CACNA1G: variants seen among roughly 807,000 people sequenced by gnomAD.
CACNA1G encodes the protein calcium voltage-gated channel subunit alpha1 G.
In CACNA1G, 67 loss-of-function variants were observed where a neutral mutation model predicts 219.4. That is an observed-to-expected ratio of 0.31 (90% CI 0.25 to 0.37). CACNA1G has a LOEUF of 0.37. CACNA1G is among the 10% of genes least tolerant of loss of function. The pLI, the probability that CACNA1G is intolerant of heterozygous loss-of-function variation, is 1.00. For synonymous variants in CACNA1G, 1,296 were observed against 1,345.3 expected, an observed-to-expected ratio of 0.96 and a Z score of 0.80; for missense variants, 2,380 against 3,231.4, an observed-to-expected ratio of 0.74 and a Z score of 6.39.
At chr17:50,584,766 G>T (rs901464889) in intron 9 of CACNA1G, among the ~76,000 whole-genome samples, 3 of 152,014 alleles carry the variant, frequency 2.0e-5, no homozygotes, top group Non-Finnish European at 2.9e-5. Flanking sequence ...AGCCTGCAAC[G>T]AGGGGCCAGG....
At chr17:50,601,660 G>A (rs1048232745) in intron 19 of CACNA1G, among the ~76,000 whole-genome samples, 16 of 152,180 alleles carry the variant, frequency 1.1e-4, no homozygotes, top group African/African-American at 3.9e-4. Context: ...GAACCTGTCA[G>A]TCCTTCTCAG....
rs763824472 is a variant in CACNA1G, at chr17:50,590,642, C to T, written c.2453+20C>T. The T allele has an allele frequency of 2.5e-6, 4 of 1,599,346 alleles. No individual in the cohort carries two copies. Among genetic ancestry groups the T allele is most frequent in the Non-Finnish European group, 3.4e-6 (4 of 1,175,238 alleles). ...CATCAGGTATGACTACCCCCCGGCA[C>T]TGACTCTCAGTTGAGGAATGGTAGC... On this transcript the variant is annotated intron_variant, in intron 10 of 37. Transcript: ENST00000359106.
chr17:50,591,607 A>G lies in CACNA1G; in HGVS notation c.2626A>G (p.Ile876Val). Residue 876 changes from isoleucine (I) to valine (V), a missense_variant, in exon 11 of 38, where the codon ATC becomes GTC. Physicochemically the swap from Ile to Val is conservative, Grantham distance 29 (BLOSUM62 3). Transcript: ENST00000359106. ...ATFCMLLMLF[I>V]FIFSILGMHL... ...CTTCTGCATGCTGCTTATGCTCTTC[A>G]TCTTCATCTTCAGGTGAGGGCGGCA... 6.2e-7 allele frequency: 1 copy of G among 1,613,054 alleles called. No individual in the cohort carries two copies. The highest frequency in any genetic ancestry group is 8.5e-7 in the Non-Finnish European group (1 of 1,179,550).
rs1019315856 is a variant in CACNA1G, at chr17:50,571,559, C to A, written c.587-319C>A. ...AGTCATTTCTCCAAGCCTCAGACTTCTCATCTGTGAATTGGGAGTGATATT... is the reference window on the plus strand; with the variant it reads ...AGTCATTTCTCCAAGCCTCAGACTTATCATCTGTGAATTGGGAGTGATATT... On this transcript the variant is annotated intron_variant, in intron 4 of 37. Coordinates refer to ENST00000359106, the MANE Select transcript of CACNA1G (RefSeq NM_018896.5). This position sits in a 1 kb window ranked among gnomAD's most constrained non-coding sequence, Gnocchi z 4.3. 6.6e-6 allele frequency among the ~76,000 whole-genome samples: 1 copy of A among 152,208 alleles called. No individual in the cohort carries two copies. Among genetic ancestry groups the A allele is most frequent in the African/African-American group, 2.4e-5 (1 of 41,444 alleles).
At chr17:50,606,814 T>G (rs1381030280) in intron 23 of CACNA1G, 86 bp from the exon 24 acceptor site, 13 of 923,886 alleles carry the variant, frequency 1.4e-5, no homozygotes, top group South Asian at 1.4e-4. Flanking sequence ...TTGGAGCTGA[T>G]GCAGGAGGCA....
intron 1 of CACNA1G, among the ~76,000 whole-genome samples, chr17:50,565,442 T>A (rs1391897313): frequency 6.6e-6 from 1 of 151,340 alleles, no homozygotes; most frequent in East Asian, 2.0e-4. Flanking sequence ...GCGGAGCCCC[T>A]ACATCCCATG....
Position 50,603,104 on chromosome 17 carries a change from C to T in CACNA1G, c.4074C>T (p.Val1358=). The part of the protein sequence containing the change: ...VLDGLLVLIS[V]IDILVSMVSD... The stretch of plus-strand genomic sequence containing the variant: ...ACGGGCTGTTGGTGCTCATCTCCGT[C>T]ATCGACATTCTGGTGTCCATGGTCT... The change falls in exon 21 of 38, where the codon GTC becomes GTT. Residue 1358 remains valine, a synonymous_variant. Transcript: ENST00000359106. This position sits in a 1 kb window ranked among gnomAD's most constrained non-coding sequence, Gnocchi z 6.4. 1 of 1,613,528 alleles carries T rather than the reference C, an allele frequency of 6.2e-7. No individual in the cohort carries two copies. The highest frequency in any genetic ancestry group is 8.5e-7 in the Non-Finnish European group (1 of 1,179,774).
At position 50,561,192 on chromosome 17, in the gene CACNA1G, C is replaced by T; in HGVS notation, c.-268C>T. ...GAAGCCGGAACAAAGTGAGGGGGAG[C>T]CGGCCGGCTGGCCCGGGAAGCCCCA... On this transcript the variant is annotated 5_prime_UTR_variant, in exon 1 of 38. Transcript: ENST00000359106. 1.8e-6 allele frequency: 1 copy of T among 565,014 alleles called. No homozygotes were observed. Among genetic ancestry groups the T allele is most frequent in the South Asian group, 1.8e-5 (1 of 56,158 alleles). 35.0% of individuals were successfully genotyped at this position (565,014 alleles called of 1,614,324 possible).
rs775456459 is a variant in CACNA1G, at chr17:50,609,911, G to C, written c.4735G>C (p.Gly1579Arg). Residue 1579 changes from glycine to arginine, a missense_variant, in exon 26 of 38, where the codon GGC becomes CGC. Gly to Arg is a moderately radical substitution (Grantham distance 125). Around this residue, in one of 17 missense-constraint regions of CACNA1G, gnomAD observed 58 missense variants for 71.3 expected, o/e 0.81. Transcript: ENST00000359106. ...AATGCTGGACGATGTAATTGCTTCC[G>C]GCAGCTCAGCCAGCGCTGCGTCAGG... ...NLMLDDVIAS[G>R]SSASAASEAQ... 2 of 1,611,348 alleles carry C rather than the reference G, an allele frequency of 1.2e-6. No homozygotes were observed. The highest frequency in any genetic ancestry group is 2.2e-5 in the East Asian group (1 of 44,876).
At chr17:50,606,858 C>A in intron 23 of CACNA1G, 42 bp from the exon 24 acceptor site, 2 of 1,449,402 alleles carry the variant, frequency 1.4e-6, no homozygotes, top group Non-Finnish European at 1.9e-6. Flanking sequence ...TTCAGCCACA[C>A]ATCCTAGACT....
intron 19 of CACNA1G, among the ~76,000 whole-genome samples, chr17:50,602,359 T>TGCA (rs1448572631): frequency 6.6e-6 from 1 of 152,074 alleles, no homozygotes; most frequent in East Asian, 1.9e-4. Context: ...TGCCTGGGGG[T>TGCA]GCAGAGTCTG....
At chr17:50,591,895 G>T in intron 12 of CACNA1G, 42 bp downstream of exon 12, 3 of 1,613,508 alleles carry the variant, frequency 1.9e-6, no homozygotes, top group Admixed American at 1.7e-5. Context: ...GGGCCGTCAG[G>T]TGCCCCTAGT....
chr17:50,589,100 G>C (rs2043616768), intron 9 of CACNA1G, among the ~76,000 whole-genome samples: 1 of 152,186 alleles, frequency 6.6e-6, no homozygotes. Context: ...CTCCAGGCCA[G>C]ACACCTAGTT....
chr17:50,580,386 G>A (rs1360162278), intron 9 of CACNA1G, among the ~76,000 whole-genome samples: 4 of 151,810 alleles, frequency 2.6e-5, no homozygotes, highest in Admixed American at 6.6e-5. Context: ...GCCATGGTCA[G>A]GTGCCCCTCC....
intron 5 of CACNA1G, 54 bp downstream of exon 5, chr17:50,572,091 A>C (rs1283477326): frequency 3.2e-6 from 5 of 1,560,516 alleles, no homozygotes; most frequent in Non-Finnish European, 2.6e-6. Flanking sequence ...GGGGCTGGGC[A>C]CCCCCCCAAG....
In CACNA1G at chr17:50,603,658, G is replaced by C. The variant is rs2047285048; in HGVS notation, c.4169+459G>C. 6.7e-6 allele frequency among the ~76,000 whole-genome samples: 1 copy of C among 149,924 alleles called. No individual in the cohort carries two copies. The highest frequency in any genetic ancestry group is 1.5e-5 in the Non-Finnish European group (1 of 67,644). On this transcript the variant is annotated intron_variant, in intron 21 of 37. Coordinates refer to ENST00000359106, the MANE Select transcript of CACNA1G (RefSeq NM_018896.5). This position sits in a 1 kb window ranked among gnomAD's most constrained non-coding sequence, Gnocchi z 6.4. The stretch of plus-strand genomic sequence containing the variant: ...CCCCGGTGACATTTCTCCTGACCAG[G>C]GATCCACCCTCTCAGGAATCCCTTT...
Position 50,626,870 on chromosome 17 carries a change from C to A in CACNA1G, c.*119C>A. On this transcript the variant is annotated 3_prime_UTR_variant, in exon 38 of 38. Coordinates refer to ENST00000359106, the MANE Select transcript of CACNA1G (RefSeq NM_018896.5). The surrounding 1 kb of genome is among the most constrained non-coding windows in gnomAD (Gnocchi z 4.3). ...ACACCAAGGAGGCGGAGGCGCTCCT[C>A]CCTGCCTCAGTGGCTCTGGGTACCT... The A allele has an allele frequency of 7.6e-7, 1 of 1,313,038 alleles. No homozygotes were observed. The highest frequency in any genetic ancestry group is 1.1e-6 in the Non-Finnish European group (1 of 910,574). 81.3% of individuals were successfully genotyped at this position (1,313,038 alleles called of 1,614,324 possible).
chr17:50,624,324 T>TCCCCCCCCCCCCCCCCCCCCTTCCCCCC, intron 36 of CACNA1G, 36 bp from the exon 37 acceptor site: 3 of 1,177,652 alleles, frequency 2.5e-6, no homozygotes, highest in Non-Finnish European at 3.7e-6. Flanking sequence ...CTCCATTCTC[T>TCCCCCCCCCCCCCCCCCCCCTTCCCCCC]CCCCCCACCC....
chr17:50,611,147 G>A (rs550253465), intron 26 of CACNA1G, among the ~76,000 whole-genome samples: 9 of 151,962 alleles, frequency 5.9e-5, no homozygotes, highest in Non-Finnish European at 8.8e-5. Flanking sequence ...CCAGCTACTC[G>A]GGAGGCTGAG....
Sources: allele counts gnomAD v4.1 joint callset (sites outside exome capture counted in the v4.1 genomes callset), GRCh38; gene constraint gnomAD v4.1.1; regional missense constraint gnomAD v4.1.1; non-coding constraint Gnocchi (gnomAD v3.1); transcripts MANE v1.5; gene names NCBI Gene and HGNC (gene_info 2026-07-23, HGNC 2026-07-21).